The following RBM47 variants were observed in gnomAD, a reference collection of about 807,000 sequenced individuals.
RBM47 encodes the protein RNA binding motif protein 47.
A neutral mutation model predicts 47.1 loss-of-function variants in RBM47; 21 were observed. That is an observed-to-expected ratio of 0.45 (90% CI 0.32 to 0.64). The LOEUF is 0.64. Among genes scored for constraint, RBM47 ranks in the 30% least tolerant of loss-of-function variants. RBM47 has a pLI of 0.05. For synonymous variants in RBM47, 375 were observed against 361.7 expected (o/e 1.04, Z -0.42); for missense variants, 708 against 870.9 (o/e 0.81, Z 2.35).
At chr4:40,538,372 G>A (rs1728182394) in intron 2 of RBM47, among the ~76,000 whole-genome samples, 1 of 144,898 alleles carries the variant, frequency 6.9e-6, no homozygotes, top group South Asian at 2.2e-4. Flanking sequence ...CTGTCGCCAG[G>A]CTGGAGTACA....
intron 3 of RBM47, 69 bp from the exon 4 acceptor site, chr4:40,438,993 G>A: frequency 7.4e-7 from 1 of 1,353,500 alleles, no homozygotes; most frequent in Non-Finnish European, 9.8e-7. Flanking sequence ...GTGTTTCGCA[G>A]CCTTGCAAGT....
At chr4:40,545,813 C>G (rs982013840) in intron 1 of RBM47, among the ~76,000 whole-genome samples, 1 of 152,064 alleles carries the variant, frequency 6.6e-6, no homozygotes, top group Non-Finnish European at 1.5e-5. Context: ...TGCTTGCTAG[C>G]TGGTTGATCT....
At chr4:40,435,549 A>C (rs1712198689) in intron 5 of RBM47, among the ~76,000 whole-genome samples, 1 of 152,048 alleles carries the variant, frequency 6.6e-6, no homozygotes, top group Admixed American at 6.6e-5. Context: ...CTCCATCTCA[A>C]ACAACAACAA....
At chr4:40,527,436 A>ATTTTTTTTTTTTTT (rs60524903) in intron 2 of RBM47, among the ~76,000 whole-genome samples, 112 of 104,702 alleles carry the variant, frequency 1.1e-3, no homozygotes, top group African/African-American at 1.5e-3. Flanking sequence ...ACACCTGGCA[A>ATTTTTTTTTTTTTT]TTTTTTTTTT....
intron 1 of RBM47, among the ~76,000 whole-genome samples, chr4:40,605,568 C>T (rs1026399578): frequency 2.0e-5 from 3 of 151,948 alleles, no homozygotes; most frequent in African/African-American, 2.4e-5. Context: ...CGGTGGCTCA[C>T]GCCTGTAATC....
intron 2 of RBM47, among the ~76,000 whole-genome samples, chr4:40,528,775 A>C (rs1375185884): frequency 6.6e-6 from 1 of 151,058 alleles, no homozygotes; most frequent in East Asian, 2.0e-4. Flanking sequence ...TTTCAAAAAG[A>C]AAAAAACAAA....
At chr4:40,607,384 T>C (rs1735858513) in intron 1 of RBM47, among the ~76,000 whole-genome samples, 1 of 152,092 alleles carries the variant, frequency 6.6e-6, no homozygotes, top group African/African-American at 2.4e-5. Flanking sequence ...CTTAATAGGT[T>C]TGGACTTTCT....
At chr4:40,584,311 C>G (rs1232922110) in intron 1 of RBM47, among the ~76,000 whole-genome samples, 1 of 152,100 alleles carries the variant, frequency 6.6e-6, no homozygotes, top group Non-Finnish European at 1.5e-5. Context: ...TGACACTCCC[C>G]CAAGGTAAGC....
At chr4:40,435,542 C>T (rs565956066) in intron 5 of RBM47, among the ~76,000 whole-genome samples, 10 of 151,932 alleles carry the variant, frequency 6.6e-5, no homozygotes, top group Non-Finnish European at 1.3e-4. Context: ...AGCAAGACTC[C>T]ATCTCAAACA....
intron 1 of RBM47, among the ~76,000 whole-genome samples, chr4:40,548,051 AT>A (rs1729190318): frequency 6.6e-6 from 1 of 152,248 alleles, no homozygotes; most frequent in Admixed American, 6.5e-5. Context: ...GAGGGTACAG[AT>A]TAGTGGAGCA....
At chr4:40,481,023 C>T (rs2154241485) in intron 2 of RBM47, among the ~76,000 whole-genome samples, 1 of 152,206 alleles carries the variant, frequency 6.6e-6, no homozygotes, top group Non-Finnish European at 1.5e-5. Context: ...AGGAACAAGG[C>T]AGTCAGGTTA....
At chr4:40,610,613 A>AC (rs1368270343) in intron 1 of RBM47, among the ~76,000 whole-genome samples, 3 of 149,532 alleles carry the variant, frequency 2.0e-5, no homozygotes, top group African/African-American at 7.4e-5. Flanking sequence ...TCCATCTCAA[A>AC]AAAAAAAAAA....
At chr4:40,480,975 A>G in intron 2 of RBM47, among the ~76,000 whole-genome samples, 1 of 152,162 alleles carries the variant, frequency 6.6e-6, no homozygotes, top group East Asian at 1.9e-4. Flanking sequence ...CTACATTGTC[A>G]TAATATGAAA....
chr4:40,483,754 A>G (rs1353919781), intron 2 of RBM47, among the ~76,000 whole-genome samples: 1 of 152,208 alleles, frequency 6.6e-6, no homozygotes, highest in Non-Finnish European at 1.5e-5. Context: ...TTTTTTAATC[A>G]ACCAATAAAA....
chr4:40,534,154 T>TG (rs1217491528), intron 2 of RBM47, among the ~76,000 whole-genome samples: 3 of 150,764 alleles, frequency 2.0e-5, no homozygotes, highest in Non-Finnish European at 3.0e-5. Flanking sequence ...TTTTTAGAGA[T>TG]GGGGTCTCAC....
chr4:40,510,187 CA>C (rs1192114584), intron 2 of RBM47, among the ~76,000 whole-genome samples: 18,391 of 104,026 alleles, frequency 0.18, 1,425 homozygotes, highest in African/African-American at 0.28. Flanking sequence ...AACTCCATCT[CA>C]AAAAAAAAAA....
At chr4:40,600,859 C>T (rs1270076010) in intron 1 of RBM47, among the ~76,000 whole-genome samples, 1 of 151,108 alleles carries the variant, frequency 6.6e-6, no homozygotes, top group Non-Finnish European at 1.5e-5. Flanking sequence ...GTGCCAGGCA[C>T]CTGTAATCTC....
At chr4:40,529,211 T>C (rs896546894) in intron 2 of RBM47, among the ~76,000 whole-genome samples, 10 of 151,898 alleles carry the variant, frequency 6.6e-5, no homozygotes, top group African/African-American at 2.4e-4. Context: ...AAAAATATCA[T>C]AAGTCAAAAA....
At chr4:40,556,741 T>A (rs572404766) in intron 1 of RBM47, among the ~76,000 whole-genome samples, 2 of 151,478 alleles carry the variant, frequency 1.3e-5, no homozygotes, top group South Asian at 4.2e-4. Flanking sequence ...AATAAAAAAA[T>A]TCACCGAGTA....
Sources: allele counts gnomAD v4.1 joint callset (sites outside exome capture counted in the v4.1 genomes callset), GRCh38; gene constraint gnomAD v4.1.1; transcripts MANE v1.5; gene names NCBI Gene and HGNC (gene_info 2026-07-23, HGNC 2026-07-21).